ERC1: variants seen among roughly 807,000 people sequenced by gnomAD.
ERC1 encodes the protein RAB6 interacting protein 2.
In ERC1, 56 loss-of-function variants were observed where a neutral mutation model predicts 132.0. That is an observed-to-expected ratio of 0.42 (90% CI 0.34 to 0.53). The LOEUF (loss-of-function observed/expected upper bound fraction) is 0.53, where lower values mean the gene tolerates loss of function less well. Ranked by LOEUF, ERC1 falls within the 20% of genes least tolerant of loss-of-function variation. The probability of loss-of-function intolerance (pLI) is 0.03; values close to 1 mark genes in which losing one functional copy is unlikely to be tolerated. For synonymous variants in ERC1, 478 were observed against 476.1 expected (o/e 1.00, Z -0.05); for missense variants, 1,202 against 1,349.9 (o/e 0.89, Z 1.72).
intron 18 of ERC1, among the ~76,000 whole-genome samples, chr12:1,484,283 G>A (rs1006630542): frequency 1.3e-5 from 2 of 149,944 alleles, no homozygotes; most frequent in African/African-American, 4.9e-5. Context: ...CCAGCCTGGT[G>A]ACAGAGCGAG....
At chr12:1,486,172 T>C (rs2094212094) in intron 18 of ERC1, among the ~76,000 whole-genome samples, 1 of 152,224 alleles carries the variant, frequency 6.6e-6, no homozygotes, top group Admixed American at 6.5e-5. Flanking sequence ...TTCTTGACTC[T>C]TCTCTATATT....
chr12:1,118,793 C>A (rs1946730762), intron 7 of ERC1, among the ~76,000 whole-genome samples: 2 of 152,194 alleles, frequency 1.3e-5, no homozygotes, highest in Admixed American at 1.3e-4. Flanking sequence ...TTTTCTGCAG[C>A]TATCCCAGAC....
intron 18 of ERC1, among the ~76,000 whole-genome samples, chr12:1,463,657 T>C (rs376065966): frequency 1.4e-5 from 2 of 146,396 alleles, no homozygotes; most frequent in Admixed American, 6.8e-5. Context: ...GTATCAGGAC[T>C]GCGCTGGAGA....
chr12:1,021,206 G>T (rs1308527512), intron 1 of ERC1, among the ~76,000 whole-genome samples: 1 of 152,032 alleles, frequency 6.6e-6, no homozygotes, highest in African/African-American at 2.4e-5. Flanking sequence ...CTCCCAAAGT[G>T]CTGGGGTTAC....
At chr12:1,303,955 GA>G (rs59587052) in intron 15 of ERC1, among the ~76,000 whole-genome samples, 1,756 of 86,438 alleles carry the variant, frequency 0.02, 40 homozygotes, top group African/African-American at 0.056. Flanking sequence ...CTCCATCTCA[GA>G]AAAAAAAAAA....
Position 1,055,979 on chromosome 12 carries a change from T to C in ERC1, c.670-27185T>C, listed in dbSNP as rs998920515. Among the ~76,000 whole-genome samples the C allele has an allele frequency of 5.3e-5, 8 of 151,462 alleles. 1 individual carries two copies. The highest frequency in any genetic ancestry group is 1.9e-4 in the African/African-American group (8 of 41,190). On this transcript the variant is annotated intron_variant, in intron 2 of 18. Transcript: ENST00000360905. ...TGGGCAACATAATGAGACCCCTGTC[T>C]CTAAAAAATAAAATAAAATAAATGA...
At chr12:1,310,417 C>T (rs1422831091) in intron 15 of ERC1, among the ~76,000 whole-genome samples, 2 of 152,002 alleles carry the variant, frequency 1.3e-5, no homozygotes, top group African/African-American at 4.8e-5. Flanking sequence ...CCATGTTGGC[C>T]AGGCTCGTCT....
chr12:991,195 C>G (rs1476884164), upstream of ERC1: 1 of 149,348 alleles, frequency 6.7e-6, no homozygotes, highest in Non-Finnish European at 1.5e-5. Context: ...CTAGGTGTCT[C>G]GCGCAGGGGG....
chr12:1,084,823 G>A (rs1433651182), intron 3 of ERC1, among the ~76,000 whole-genome samples: 3 of 151,796 alleles, frequency 2.0e-5, no homozygotes, highest in Admixed American at 2.0e-4. Context: ...TCCCTAGTAG[G>A]TAGGTCTACA....
intron 17 of ERC1, among the ~76,000 whole-genome samples, chr12:1,438,561 G>T (rs891824222): frequency 6.6e-6 from 1 of 152,192 alleles, no homozygotes; most frequent in African/African-American, 2.4e-5. Context: ...TCAGGGCTCT[G>T]AGCTAGCCAC....
At chr12:1,051,123 A>T (rs1235066535) in intron 2 of ERC1, among the ~76,000 whole-genome samples, 1 of 152,202 alleles carries the variant, frequency 6.6e-6, no homozygotes, top group Non-Finnish European at 1.5e-5. Flanking sequence ...TGAACTAGAG[A>T]CAAAAAGTTT....
intron 15 of ERC1, among the ~76,000 whole-genome samples, chr12:1,320,539 T>C (rs982838947): frequency 6.6e-6 from 1 of 152,220 alleles, no homozygotes; most frequent in African/African-American, 2.4e-5. Flanking sequence ...TTACATTCAA[T>C]GCTACAGAAT....
In ERC1 at chr12:1,495,573, G is replaced by A. The variant is rs187089097; in HGVS notation, c.*5343G>A. 2.2e-5 allele frequency: 5 copies of A among 228,718 alleles called. No individual in the cohort carries two copies. The highest frequency in any genetic ancestry group is 4.3e-5 in the Non-Finnish European group (5 of 115,174). The allele number at this position is 228,718 out of a possible 1,614,324, so 14.2% of individuals were successfully genotyped here. ...GCTGGCCCATCGCAGGACTAGCCCA[G>A]GCACCTGCCGGGCATTGCAGGATAT... On this transcript the variant is annotated 3_prime_UTR_variant, in exon 19 of 19. Transcript: ENST00000360905.
intron 2 of ERC1, among the ~76,000 whole-genome samples, chr12:1,070,209 A>G (rs975791398): frequency 6.6e-6 from 1 of 152,340 alleles, no homozygotes; most frequent in East Asian, 1.9e-4. Context: ...GAGTTAGGCA[A>G]TAAGAGTATG....
At chr12:1,091,208 A>T (rs903130045) in intron 3 of ERC1, among the ~76,000 whole-genome samples, 2 of 152,072 alleles carry the variant, frequency 1.3e-5, no homozygotes, top group Non-Finnish European at 2.9e-5. Flanking sequence ...TTATTTATAG[A>T]TTCCTTCATT....
rs555339709 is a variant in ERC1, at chr12:1,485,411, G to C, written c.3214-4682G>C. Among the ~76,000 whole-genome samples, 95 of 151,066 alleles carry C rather than the reference G, an allele frequency of 6.3e-4. 1 individual carries two copies. The highest frequency in any genetic ancestry group is 9.8e-4 in the East Asian group (5 of 5,102). On this transcript the variant is annotated intron_variant, in intron 18 of 18. Transcript: ENST00000360905. ...GTAGAGACAGAGTTTCACCACATTG[G>C]CCAGGCTGGTCTTGAACTCCTGACC...
chr12:1,319,998 G>T (rs978792627), intron 15 of ERC1, among the ~76,000 whole-genome samples: 2 of 152,042 alleles, frequency 1.3e-5, no homozygotes, highest in East Asian at 3.8e-4. Flanking sequence ...TATTTCAGTG[G>T]AAGAATATTC....
intron 2 of ERC1, among the ~76,000 whole-genome samples, chr12:1,033,608 C>A (rs1187798058): frequency 6.6e-6 from 1 of 151,708 alleles, no homozygotes; most frequent in Non-Finnish European, 1.5e-5. Flanking sequence ...GGATTACAGG[C>A]GTGTGCCACC....
intron 18 of ERC1, 28 bp from the exon 19 acceptor site, chr12:1,490,065 T>A: frequency 1.2e-6 from 2 of 1,606,902 alleles, no homozygotes; most frequent in Non-Finnish European, 1.7e-6. Context: ...TTGTTGTATC[T>A]GAAATCCATC....
Sources: gnomAD v4.1 joint callset for allele counts (sites outside exome capture counted in the v4.1 genomes callset) on GRCh38, gnomAD v4.1.1 for gene constraint, MANE v1.5 for transcripts, NCBI Gene and HGNC (gene_info 2026-07-23, HGNC 2026-07-21) for gene names.